The following CAPZB variants were observed in gnomAD, a reference collection of about 807,000 sequenced individuals.
CAPZB encodes F-actin-capping protein subunit beta.
In CAPZB, 2 loss-of-function variants were observed where a neutral mutation model predicts 38.1. The observed-to-expected ratio is 0.05, with a 90% confidence interval of 0.02 to 0.17. The LOEUF is 0.17. CAPZB is among the 10% of genes least tolerant of loss of function. The pLI is 1.00. For missense variants in CAPZB, 161 were observed against 334.2 expected, an observed-to-expected ratio of 0.48 and a Z score of 4.04; for synonymous variants, 107 against 127.4, an observed-to-expected ratio of 0.84 and a Z score of 1.08.
intron 4 of CAPZB, among the ~76,000 whole-genome samples, chr1:19,364,266 C>T (rs1324699833): frequency 6.6e-6 from 1 of 152,242 alleles, no homozygotes; most frequent in Non-Finnish European, 1.5e-5. Flanking sequence ...CCTCCCAGTT[C>T]TGACATTCCA....
intron 1 of CAPZB, among the ~76,000 whole-genome samples, chr1:19,480,643 G>A (rs2094624855): frequency 6.6e-6 from 1 of 152,190 alleles, no homozygotes. Context: ...CTGGAAGAGG[G>A]CAGGAACCCT....
chr1:19,443,983 C>T (rs1396193393), intron 1 of CAPZB, among the ~76,000 whole-genome samples: 1 of 152,178 alleles, frequency 6.6e-6, no homozygotes, highest in Non-Finnish European at 1.5e-5. Flanking sequence ...TCAGGTGAAA[C>T]CCTGTCTCTA....
At chr1:19,371,694 G>A (rs576632001) in intron 4 of CAPZB, among the ~76,000 whole-genome samples, 11 of 152,014 alleles carry the variant, frequency 7.2e-5, no homozygotes, top group African/African-American at 2.7e-4. Flanking sequence ...TCAGCTGCCC[G>A]CTCACACTTC....
At chr1:19,360,883 A>G (rs1474378649) in intron 4 of CAPZB, among the ~76,000 whole-genome samples, 1 of 152,206 alleles carries the variant, frequency 6.6e-6, no homozygotes, top group East Asian at 1.9e-4. Flanking sequence ...TCTTTTACCC[A>G]CAATTTTAAA....
intron 2 of CAPZB, among the ~76,000 whole-genome samples, chr1:19,406,907 G>T (rs556034229): frequency 1.4e-4 from 22 of 152,246 alleles, no homozygotes; most frequent in Non-Finnish European, 2.6e-4. Context: ...TCTCATTCTT[G>T]AAGTTAGTGT....
chr1:19,452,884 A>C (rs34553579), intron 1 of CAPZB, among the ~76,000 whole-genome samples: 35,518 of 149,168 alleles, frequency 0.24, 4,508 homozygotes, highest in Non-Finnish European at 0.28. Context: ...GCTCACTGCA[A>C]CCTCTGCCTC....
intron 1 of CAPZB, among the ~76,000 whole-genome samples, chr1:19,474,092 C>T (rs570204243): frequency 6.6e-6 from 1 of 152,034 alleles, no homozygotes; most frequent in Non-Finnish European, 1.5e-5. Flanking sequence ...ACCTCCCAGG[C>T]TCAAATGATC....
At chr1:19,342,898 G>T in intron 8 of CAPZB, 1 of 1,321,542 alleles carries the variant, frequency 7.6e-7, no homozygotes, top group Non-Finnish European at 1.1e-6. Flanking sequence ...TGGAGTGGGA[G>T]GGAAGAGAAC....
chr1:19,366,307 T>TATATAAATAA, intron 4 of CAPZB, among the ~76,000 whole-genome samples: 1 of 74,146 alleles, frequency 1.3e-5, no homozygotes, highest in East Asian at 3.8e-4. Context: ...TATATATATA[T>TATATAAATAA]ATAAATAAAA....
At chr1:19,477,117 C>A (rs1239874703) in intron 1 of CAPZB, among the ~76,000 whole-genome samples, 2 of 152,240 alleles carry the variant, frequency 1.3e-5, no homozygotes, top group African/African-American at 2.4e-5. Context: ...CCGGTAAATA[C>A]TGGCAGAAGG....
intron 1 of CAPZB, among the ~76,000 whole-genome samples, chr1:19,465,472 C>T (rs2094566004): frequency 6.6e-6 from 1 of 152,190 alleles, no homozygotes; most frequent in African/African-American, 2.4e-5. Flanking sequence ...GGTATTTGTT[C>T]CAGGAGCCCA....
chr1:19,366,745 T>A (rs977141618), intron 4 of CAPZB, among the ~76,000 whole-genome samples: 2 of 152,146 alleles, frequency 1.3e-5, no homozygotes, highest in Non-Finnish European at 2.9e-5. Context: ...ACTGATTTTA[T>A]GGCAAAGAGG....
chr1:19,448,717 G>A, intron 1 of CAPZB: 2 of 1,301,436 alleles, frequency 1.5e-6, no homozygotes, highest in Non-Finnish European at 2.1e-6. Flanking sequence ...GTGCCTTGTG[G>A]ATTCCATCAG....
rs375846695 is a variant in CAPZB at position 19,448,809 on chromosome 1, C to T, written c.4-29059G>A. The stretch of plus-strand genomic sequence containing the variant: ...ACGGCCACCTGTTGCTCCTCCTCCC[C>T]CCTCAGATCTAAAGTGCGTGTCACC... On this transcript the variant is annotated intron_variant, in intron 1 of 8. Transcript: ENST00000264202. 12 of 1,612,452 alleles carry T rather than the reference C, an allele frequency of 7.4e-6. No homozygotes were observed. The South Asian group carries it at 1.2e-4, about 16-fold the overall frequency.
At chr1:19,409,937 C>A (rs1382111444) in intron 2 of CAPZB, among the ~76,000 whole-genome samples, 6 of 152,200 alleles carry the variant, frequency 3.9e-5, no homozygotes, top group African/African-American at 1.4e-4. Flanking sequence ...ATTCTTCAGT[C>A]CATGAGAAAT....
intron 2 of CAPZB, among the ~76,000 whole-genome samples, chr1:19,416,801 C>G (rs141827534): frequency 1.5e-5 from 2 of 132,156 alleles, no homozygotes; most frequent in African/African-American, 5.7e-5. Context: ...TAGGAGGCTG[C>G]ATTGAGCTTT....
chr1:19,363,733 G>A (rs975362356), intron 4 of CAPZB, among the ~76,000 whole-genome samples: 1 of 152,146 alleles, frequency 6.6e-6, no homozygotes, highest in Non-Finnish European at 1.5e-5. Flanking sequence ...TCCCAGGCCT[G>A]GCCAACACGG....
At chr1:19,364,928 C>T (rs1238699833) in intron 4 of CAPZB, among the ~76,000 whole-genome samples, 1 of 151,844 alleles carries the variant, frequency 6.6e-6, no homozygotes, top group Non-Finnish European at 1.5e-5. Flanking sequence ...CTCATTGCAG[C>T]CTCGACATTC....
intron 4 of CAPZB, among the ~76,000 whole-genome samples, chr1:19,368,881 G>A (rs2094105396): frequency 6.6e-6 from 1 of 152,072 alleles, no homozygotes; most frequent in Non-Finnish European, 1.5e-5. Flanking sequence ...CAGAAGCCTC[G>A]GAAACATCTC....
Sources: allele counts gnomAD v4.1 joint callset (sites outside exome capture counted in the v4.1 genomes callset), GRCh38; gene constraint gnomAD v4.1.1; transcripts MANE v1.5; gene names NCBI Gene and HGNC (gene_info 2026-07-23, HGNC 2026-07-21).